TNS1: variants seen among roughly 807,000 people sequenced by gnomAD.
TNS1 encodes tensin 1.
A neutral mutation model predicts 168.6 loss-of-function variants in TNS1; 62 were observed. The ratio of observed to expected loss-of-function variants is 0.37; its 90% CI spans 0.30 to 0.45. The LOEUF (loss-of-function observed/expected upper bound fraction) is 0.45. TNS1 is among the 20% of genes least tolerant of loss of function. The pLI, the probability that TNS1 is intolerant of heterozygous loss-of-function variation, is 1.00. For missense variants in TNS1, 2,240 were observed against 2,339.4 expected, an observed-to-expected ratio of 0.96 and a Z score of 0.88; for synonymous variants, 934 against 933.2, an observed-to-expected ratio of 1.00 and a Z score of -0.02.
At chr2:217,906,243 A>G in intron 6 of TNS1, 92 bp downstream of exon 6, 1 of 677,146 alleles carries the variant, frequency 1.5e-6, no homozygotes, top group South Asian at 1.6e-5. Flanking sequence ...AAGGAAGCCC[A>G]CGAAACAAGA....
chr2:218,031,338 T>G (rs1415658467), intron 1 of TNS1, among the ~76,000 whole-genome samples: 1 of 146,678 alleles, frequency 6.8e-6, no homozygotes, highest in African/African-American at 2.5e-5. Flanking sequence ...CATGTCTGTG[T>G]GTGAGTGTAT....
intron 1 of TNS1, among the ~76,000 whole-genome samples, chr2:218,020,406 A>T (rs550364095): frequency 6.6e-6 from 1 of 152,008 alleles, no homozygotes; most frequent in African/African-American, 2.4e-5. Flanking sequence ...AAATAACTTG[A>T]TTATCACCTC....
intron 3 of TNS1, among the ~76,000 whole-genome samples, chr2:217,943,133 C>G (rs1229939807): frequency 2.6e-5 from 4 of 152,116 alleles, no homozygotes; most frequent in Non-Finnish European, 2.9e-5. Context: ...TCATTAACCA[C>G]CTGGATTAGC....
At chr2:217,928,964 A>G (rs1329159478) in intron 3 of TNS1, among the ~76,000 whole-genome samples, 1 of 152,196 alleles carries the variant, frequency 6.6e-6, no homozygotes, top group Non-Finnish European at 1.5e-5. Flanking sequence ...CCAGGTCCAC[A>G]TAAGGGCCAC....
chr2:217,916,900 T>C (rs192128229), intron 4 of TNS1, among the ~76,000 whole-genome samples: 60 of 152,152 alleles, frequency 3.9e-4, no homozygotes, highest in Admixed American at 1.4e-3. Flanking sequence ...AGACACACCA[T>C]GAGGGACAGA....
chr2:217,879,682 A>G (rs1950515724), intron 18 of TNS1, among the ~76,000 whole-genome samples: 1 of 152,154 alleles, frequency 6.6e-6, no homozygotes, highest in Non-Finnish European at 1.5e-5. Context: ...GGTGACCCCA[A>G]GGTCAGAGGA....
chr2:218,005,962 A>G (rs1559410601), upstream of TNS1, among the ~76,000 whole-genome samples: 3 of 151,866 alleles, frequency 2.0e-5, no homozygotes, highest in African/African-American at 7.3e-5. Context: ...TGGGATCCCC[A>G]CCCTGTGCCC....
chr2:217,947,778 C>G (rs2125966982), intron 3 of TNS1, among the ~76,000 whole-genome samples: 1 of 152,286 alleles, frequency 6.6e-6, no homozygotes, highest in East Asian at 1.9e-4. Flanking sequence ...CCAGCCCCAC[C>G]CAGGGCCCCT....
intron 18 of TNS1, among the ~76,000 whole-genome samples, chr2:217,856,685 T>C (rs956198499): frequency 6.6e-6 from 1 of 152,030 alleles, no homozygotes; most frequent in South Asian, 2.1e-4. Flanking sequence ...AAAGATTTTT[T>C]GGTAAAAAAA....
chr2:217,937,593 G>T (rs1027763750), intron 3 of TNS1, among the ~76,000 whole-genome samples: 4 of 152,178 alleles, frequency 2.6e-5, no homozygotes, highest in South Asian at 2.1e-4. Context: ...CAGAGTTGGG[G>T]GCAGGGCGGG....
intron 3 of TNS1, among the ~76,000 whole-genome samples, chr2:217,941,164 C>A (rs1033101614): frequency 1.3e-5 from 2 of 152,244 alleles, no homozygotes; most frequent in Admixed American, 1.3e-4. Flanking sequence ...GGTCTACTAT[C>A]TCCAGGCTGG....
chr2:218,023,247 G>T (rs561176298), intron 1 of TNS1, among the ~76,000 whole-genome samples: 1 of 152,274 alleles, frequency 6.6e-6, no homozygotes, highest in Admixed American at 6.5e-5. Context: ...AGTGCAGAGG[G>T]CTGGGAACCC....
chr2:217,825,132 G>A (rs1018669650), intron 22 of TNS1, among the ~76,000 whole-genome samples: 8 of 152,266 alleles, frequency 5.3e-5, no homozygotes, highest in Non-Finnish European at 1.0e-4. Flanking sequence ...CACTGACGTC[G>A]CTCCTGATCT....
chr2:217,933,826 G>A (rs1460263603), intron 3 of TNS1, among the ~76,000 whole-genome samples: 2 of 152,176 alleles, frequency 1.3e-5, no homozygotes, highest in South Asian at 2.1e-4. Context: ...GTCAGAAATG[G>A]AAGAGCAGGT....
chr2:218,003,008 GCCCTGCTGCCTCCAGCTCA>G (rs1177151630), upstream of TNS1: 2 of 443,386 alleles, frequency 4.5e-6, no homozygotes, highest in South Asian at 1.6e-5. Context: ...TGGGCCTCTC[GCCCTGCTGCCTCCAGCTCA>G]CCCTCCCTCC....
intron 19 of TNS1, among the ~76,000 whole-genome samples, chr2:217,842,939 C>T (rs1946174680): frequency 6.6e-6 from 1 of 152,168 alleles, no homozygotes; most frequent in African/African-American, 2.4e-5. Context: ...CTCAATGGCA[C>T]GTATCACCTA....
At chr2:217,947,366 C>T (rs1377579662) in intron 3 of TNS1, among the ~76,000 whole-genome samples, 2 of 151,894 alleles carry the variant, frequency 1.3e-5, no homozygotes, top group Non-Finnish European at 2.9e-5. Flanking sequence ...GATACAGAAC[C>T]GAGAAAGGAG....
intron 3 of TNS1, among the ~76,000 whole-genome samples, chr2:217,949,085 G>A (rs1385076885): frequency 6.6e-6 from 1 of 152,178 alleles, no homozygotes; most frequent in Non-Finnish European, 1.5e-5. Context: ...GAGCACTTGG[G>A]TTCAGCACCA....
intron 3 of TNS1, among the ~76,000 whole-genome samples, chr2:217,941,599 C>T (rs1237530687): frequency 1.3e-5 from 2 of 152,204 alleles, no homozygotes; most frequent in Non-Finnish European, 2.9e-5. Flanking sequence ...TCCTGATCCC[C>T]CATTCTGGTG....
Sources: gnomAD v4.1 joint callset for allele counts (sites outside exome capture counted in the v4.1 genomes callset) on GRCh38, gnomAD v4.1.1 for gene constraint, MANE v1.5 for transcripts, NCBI Gene and HGNC (gene_info 2026-07-23, HGNC 2026-07-21) for gene names.